Variants in PIGK observed in about 807,000 individuals in gnomAD.
PIGK encodes GPI-anchor transamidase.
A neutral mutation model predicts 50.6 loss-of-function variants in PIGK; 42 were observed. That is an observed-to-expected ratio of 0.83 (90% CI 0.65 to 1.07). PIGK has a LOEUF of 1.07. PIGK is among the 50% of genes least tolerant of loss of function. The probability of loss-of-function intolerance (pLI) is 0.00; values close to 1 mark genes in which losing one functional copy is unlikely to be tolerated. For missense variants in PIGK, 448 were observed against 488.7 expected (o/e 0.92, Z 0.78); for synonymous variants, 151 against 156.0 (o/e 0.97, Z 0.24).
At chr1:77,202,053 CAAA>C (rs79509311) in intron 3 of PIGK, among the ~76,000 whole-genome samples, 1 of 130,058 alleles carries the variant, frequency 7.7e-6, no homozygotes, top group South Asian at 2.4e-4. Context: ...GTGAGACAAT[CAAA>C]AAAAAAAAAA....
chr1:77,165,288 T>TGAA (rs1353745443), intron 5 of PIGK, among the ~76,000 whole-genome samples: 1 of 152,154 alleles, frequency 6.6e-6, no homozygotes, highest in Non-Finnish European at 1.5e-5. Context: ...CACTTCATCT[T>TGAA]GTTTGCCATA....
At chr1:77,122,471 AAAT>A (rs1487502239) in intron 9 of PIGK, 112 bp from the exon 10 acceptor site, 1 of 646,616 alleles carries the variant, frequency 1.5e-6, no homozygotes, top group Non-Finnish European at 2.7e-6. Flanking sequence ...ATTTTTTTTG[AAAT>A]AATCAGTATT....
chr1:77,135,336 T>TTAC (rs1355803032), intron 9 of PIGK, among the ~76,000 whole-genome samples: 2 of 152,044 alleles, frequency 1.3e-5, no homozygotes, highest in Non-Finnish European at 2.9e-5. Context: ...CTTTACTTAG[T>TTAC]TATCTTGCTT....
intron 9 of PIGK, among the ~76,000 whole-genome samples, chr1:77,137,032 C>T (rs1283565090): frequency 6.6e-6 from 1 of 152,190 alleles, no homozygotes; most frequent in East Asian, 1.9e-4. Context: ...ATACAGTCTG[C>T]TTTTCCAGCC....
intron 10 of PIGK, among the ~76,000 whole-genome samples, chr1:77,120,366 G>T (rs1166155087): frequency 6.6e-6 from 1 of 152,048 alleles, no homozygotes; most frequent in Non-Finnish European, 1.5e-5. Context: ...CTACAGGCAC[G>T]CACCACTAAG....
intron 10 of PIGK, among the ~76,000 whole-genome samples, chr1:77,097,879 T>C (rs1481573075): frequency 2.6e-5 from 4 of 151,820 alleles, no homozygotes; most frequent in Non-Finnish European, 5.9e-5. Flanking sequence ...ACAATAACAA[T>C]TAAAAAAAAC....
At chr1:77,147,037 C>A (rs1297398888) in intron 9 of PIGK, among the ~76,000 whole-genome samples, 1 of 151,132 alleles carries the variant, frequency 6.6e-6, no homozygotes, top group Non-Finnish European at 1.5e-5. Context: ...GACAAAGACA[C>A]ACTCGAGACT....
intron 1 of PIGK, 47 bp downstream of exon 1, chr1:77,219,263 G>T: frequency 1.4e-6 from 2 of 1,470,856 alleles, no homozygotes; most frequent in Non-Finnish European, 1.9e-6. Context: ...CTGCTGGAGG[G>T]CTCACAGCCG....
At chr1:77,176,401 G>C (rs190583965) in intron 3 of PIGK, among the ~76,000 whole-genome samples, 75 of 152,232 alleles carry the variant, frequency 4.9e-4, no homozygotes, top group Admixed American at 2.4e-3. Flanking sequence ...TTTAGTGTAT[G>C]TCATCAATAT....
At chr1:77,210,317 A>C in intron 2 of PIGK, 119 bp downstream of exon 2, 1 of 539,244 alleles carries the variant, frequency 1.9e-6, no homozygotes, top group Non-Finnish European at 3.2e-6. Context: ...AATCAAAATA[A>C]AGAATTTCTG....
intron 10 of PIGK, among the ~76,000 whole-genome samples, chr1:77,117,531 G>C (rs1654006574): frequency 6.6e-6 from 1 of 152,132 alleles, no homozygotes; most frequent in African/African-American, 2.4e-5. Context: ...AAGACACTTT[G>C]GAGGAAGACA....
At chr1:77,141,985 A>G (rs1185569435) in intron 9 of PIGK, among the ~76,000 whole-genome samples, 1 of 152,126 alleles carries the variant, frequency 6.6e-6, no homozygotes, top group African/African-American at 2.4e-5. Context: ...TTCCCCCACA[A>G]TAAAAGCCAT....
At chr1:77,190,901 A>T (rs376893879) in intron 3 of PIGK, among the ~76,000 whole-genome samples, 16 of 152,174 alleles carry the variant, frequency 1.1e-4, no homozygotes, top group African/African-American at 3.9e-4. Context: ...TCTACCTTCA[A>T]ATATTCCCCA....
At chr1:77,189,858 C>T (rs998685058) in intron 3 of PIGK, among the ~76,000 whole-genome samples, 1 of 150,912 alleles carries the variant, frequency 6.6e-6, no homozygotes, top group Non-Finnish European at 1.5e-5. Flanking sequence ...CTCAGTATGT[C>T]TCAAGTATTG....
chr1:77,103,173 G>A (rs1291072211), intron 10 of PIGK, among the ~76,000 whole-genome samples: 1 of 151,892 alleles, frequency 6.6e-6, no homozygotes, highest in African/African-American at 2.4e-5. Context: ...TTCCATTATT[G>A]GTGATGTTGG....
chr1:77,199,841 A>G (rs1570259274), intron 3 of PIGK, among the ~76,000 whole-genome samples: 1 of 152,038 alleles, frequency 6.6e-6, no homozygotes, highest in Non-Finnish European at 1.5e-5. Flanking sequence ...ATTTACAATT[A>G]GAAAATTATT....
At chr1:77,190,616 T>A (rs564379594) in intron 3 of PIGK, among the ~76,000 whole-genome samples, 1 of 152,314 alleles carries the variant, frequency 6.6e-6, no homozygotes, top group South Asian at 2.1e-4. Flanking sequence ...GAGCATATAA[T>A]TTCACCTGTA....
chr1:77,157,444 AT>A (rs1655033233), intron 8 of PIGK, among the ~76,000 whole-genome samples: 2 of 152,168 alleles, frequency 1.3e-5, no homozygotes, highest in African/African-American at 4.8e-5. Context: ...CAATAGAAGT[AT>A]TTTTTAAACG....
intron 9 of PIGK, among the ~76,000 whole-genome samples, chr1:77,125,057 T>C (rs147550454): frequency 1.8e-3 from 281 of 152,326 alleles, no homozygotes; most frequent in Admixed American, 4.7e-3. Flanking sequence ...AAAAGAAATA[T>C]GACAAAGTCA....
Sources: allele counts gnomAD v4.1 joint callset (sites outside exome capture counted in the v4.1 genomes callset), GRCh38; gene constraint gnomAD v4.1.1; transcripts MANE v1.5; gene names NCBI Gene and HGNC (gene_info 2026-07-23, HGNC 2026-07-21).